The following NFATC2 variants were observed in gnomAD, a reference collection of about 807,000 sequenced individuals.
The protein encoded by NFATC2 is nuclear factor of activated T-cells, cytoplasmic 2.
A neutral mutation model predicts 87.3 loss-of-function variants in NFATC2; 22 were observed. That is an observed-to-expected ratio of 0.25 (90% CI 0.18 to 0.36). The LOEUF is 0.36. Among genes scored for constraint, NFATC2 ranks in the 10% least tolerant of loss-of-function variants. NFATC2 has a pLI of 1.00. For missense variants in NFATC2, 1,149 were observed against 1,259.1 expected, an observed-to-expected ratio of 0.91 and a Z score of 1.32; for synonymous variants, 565 against 542.2, an observed-to-expected ratio of 1.04 and a Z score of -0.58.
chr20:51,508,589 T>C (rs2076222987), intron 3 of NFATC2, among the ~76,000 whole-genome samples: 1 of 151,956 alleles, frequency 6.6e-6, no homozygotes, highest in African/African-American at 2.4e-5. Context: ...CCCGCTCTGC[T>C]ACTCCCCACC....
At chr20:51,455,549 T>G (rs1986311808) in intron 5 of NFATC2, among the ~76,000 whole-genome samples, 1 of 151,154 alleles carries the variant, frequency 6.6e-6, no homozygotes, top group Non-Finnish European at 1.5e-5. Context: ...TCCATAGAGC[T>G]TTTCACTTTC....
intron 6 of NFATC2, among the ~76,000 whole-genome samples, chr20:51,452,002 T>C (rs944182366): frequency 6.6e-6 from 1 of 152,238 alleles, no homozygotes. Context: ...CATCAGCCCA[T>C]CTCCCCAACC....
At chr20:51,419,741 G>A (rs968330943) in intron 9 of NFATC2, among the ~76,000 whole-genome samples, 11 of 152,200 alleles carry the variant, frequency 7.2e-5, no homozygotes, top group Admixed American at 2.6e-4. Context: ...CCATAACACC[G>A]CAAGGAGTAT....
chr20:51,407,168 G>A lies in NFATC2; in HGVS notation c.2723-8438C>T, dbSNP rs540597968. On this transcript the variant is annotated intron_variant, in intron 9 of 10. Coordinates refer to ENST00000371564, the MANE Select transcript of NFATC2 (RefSeq NM_012340.5). ...TTGGACTGCTGCTCTTGCCTTAGACGTTTGGAGGGCTCTCTTGATAAGACC... is the reference window on the plus strand; with the variant it reads ...TTGGACTGCTGCTCTTGCCTTAGACATTTGGAGGGCTCTCTTGATAAGACC... Among the ~76,000 whole-genome samples the A allele has an allele frequency of 3.8e-4, 58 of 152,260 alleles. 1 individual carries two copies. Among genetic ancestry groups the A allele is most frequent in the Middle Eastern group, 6.8e-3 (2 of 294 alleles).
Position 51,432,081 on chromosome 20 carries a change from G to T in NFATC2, c.2708C>A (p.Thr903Asn), listed in dbSNP as rs1982798077. 2 of 1,529,664 alleles carry T rather than the reference G, an allele frequency of 1.3e-6. No individual in the cohort carries two copies. Among genetic ancestry groups the T allele is most frequent in the Admixed American group, 2.0e-5 (1 of 49,032 alleles). 94.8% of individuals were successfully genotyped at this position (1,529,664 alleles called of 1,614,324 possible). A position where few individuals can be genotyped will look rare whatever the true frequency, so the allele number is the denominator to read the frequency against. ...AAGCGTCTTACCATCATCCAAGTAG[G>T]TCTGGTCCAAGTTCTGCTCCTGTTT... The part of the protein sequence containing the change: ...TIKQEQNLDQ[T>N]YLDDELIDTH... The change falls in exon 9 of 11, where the codon ACC becomes AAC. Residue 903 changes from threonine (T) to asparagine (N), a missense_variant. This residue lies in a region of NFATC2 where 581 missense variants were observed against 649.7 expected (regional missense o/e 0.89). Transcript: ENST00000371564. The surrounding 1 kb of genome is among the most constrained non-coding windows in gnomAD (Gnocchi z 4.6).
chr20:51,442,788 C>T (rs1254578006), intron 6 of NFATC2, among the ~76,000 whole-genome samples: 1 of 151,626 alleles, frequency 6.6e-6, no homozygotes, highest in Non-Finnish European at 1.5e-5. Flanking sequence ...TCCGGGGCCA[C>T]AGCCTGAGAG....
intron 5 of NFATC2, among the ~76,000 whole-genome samples, chr20:51,463,680 G>T (rs1238310887): frequency 6.6e-6 from 1 of 152,222 alleles, no homozygotes; most frequent in Non-Finnish European, 1.5e-5. Context: ...ACTGCAGCAA[G>T]TCACTCATCC....
rs536587760 is a variant in NFATC2 at position 51,490,511 on chromosome 20, T to C, written c.1333-14851A>G. Among the ~76,000 whole-genome samples, 6 of 152,358 alleles carry C rather than the reference T, an allele frequency of 3.9e-5. 1 individual carries two copies. The East Asian group carries it at 1.2e-3, about 29-fold the overall frequency. On this transcript the variant is annotated intron_variant, in intron 3 of 10. Transcript: ENST00000371564. ...GATCTTCTACTGGACTGTTGGTTAC[T>C]GAATCTCTCCACAATTTAAATTCAT...
chr20:51,426,895 A>G (rs1981917304), intron 9 of NFATC2, among the ~76,000 whole-genome samples: 1 of 152,126 alleles, frequency 6.6e-6, no homozygotes, highest in African/African-American at 2.4e-5. Flanking sequence ...GAATGTGCAC[A>G]TAATTAAGCA....
At chr20:51,551,414 T>TA (rs2076931309) in intron 1 of NFATC2, among the ~76,000 whole-genome samples, 1 of 151,236 alleles carries the variant, frequency 6.6e-6, no homozygotes, top group African/African-American at 2.4e-5. Flanking sequence ...TATTTATTTA[T>TA]TTTTTTTGAG....
At chr20:51,456,868 C>T (rs1174883040) in intron 5 of NFATC2, among the ~76,000 whole-genome samples, 1 of 152,256 alleles carries the variant, frequency 6.6e-6, no homozygotes, top group Non-Finnish European at 1.5e-5. Context: ...AGCAACGATG[C>T]ACTTGGCAAC....
intron 5 of NFATC2, among the ~76,000 whole-genome samples, chr20:51,458,388 A>G (rs546204956): frequency 1.2e-4 from 18 of 152,192 alleles, no homozygotes; most frequent in African/African-American, 4.3e-4. Context: ...ACAAGGCTGG[A>G]TATCCCCTGG....
intron 3 of NFATC2, among the ~76,000 whole-genome samples, chr20:51,509,974 G>A (rs1325614003): frequency 2.0e-5 from 3 of 152,188 alleles, no homozygotes; most frequent in Admixed American, 6.5e-5. Context: ...TCGGGTTTCC[G>A]CATCTGCAAG....
chr20:51,473,786 T>C (rs965933570), intron 5 of NFATC2, among the ~76,000 whole-genome samples, 194 bp downstream of exon 5: 3 of 152,194 alleles, frequency 2.0e-5, no homozygotes, highest in African/African-American at 4.8e-5. Flanking sequence ...CAGAAGTCAA[T>C]AGAAGCAGCA....
intron 3 of NFATC2, among the ~76,000 whole-genome samples, chr20:51,505,433 C>G (rs970407560): frequency 2.1e-5 from 3 of 143,716 alleles, no homozygotes; most frequent in African/African-American, 7.7e-5. Flanking sequence ...TGTACATACA[C>G]ATTGTATATA....
chr20:51,537,654 T>C (rs2076742259), intron 1 of NFATC2, among the ~76,000 whole-genome samples: 1 of 152,176 alleles, frequency 6.6e-6, no homozygotes, highest in African/African-American at 2.4e-5. Flanking sequence ...GTATTACAAG[T>C]TGGGAGAAAT....
intron 3 of NFATC2, among the ~76,000 whole-genome samples, chr20:51,478,537 T>C (rs1988954383): frequency 6.6e-6 from 1 of 152,084 alleles, no homozygotes; most frequent in Non-Finnish European, 1.5e-5. Flanking sequence ...GCCATTTCCA[T>C]CCCCGCTCTT....
intron 9 of NFATC2, among the ~76,000 whole-genome samples, chr20:51,429,075 A>C (rs1982292894): frequency 6.6e-6 from 1 of 152,226 alleles, no homozygotes; most frequent in South Asian, 2.1e-4. Flanking sequence ...CAACACAGCA[A>C]ACCAAGACGT....
chr20:51,538,172 A>C (rs1277411643), intron 1 of NFATC2, among the ~76,000 whole-genome samples: 1 of 152,208 alleles, frequency 6.6e-6, no homozygotes, highest in Non-Finnish European at 1.5e-5. Flanking sequence ...ATCACTCATG[A>C]ATACTGAAAA....
Sources: gnomAD v4.1 joint callset for allele counts (sites outside exome capture counted in the v4.1 genomes callset) on GRCh38, gnomAD v4.1.1 for gene constraint, gnomAD v4.1.1 regional missense constraint, Gnocchi (gnomAD v3.1) non-coding constraint, MANE v1.5 for transcripts, NCBI Gene and HGNC (gene_info 2026-07-23, HGNC 2026-07-21) for gene names.